The following PDE4D variants were observed in gnomAD, a reference collection of about 807,000 sequenced individuals.
PDE4D encodes phosphodiesterase 4D, also known as 3',5'-cyclic-AMP phosphodiesterase 4D.
In PDE4D, 24 loss-of-function variants were observed where a neutral mutation model predicts 87.4. The ratio of observed to expected loss-of-function variants is 0.27; its 90% confidence interval spans 0.20 to 0.39. The LOEUF (loss-of-function observed/expected upper bound fraction) is 0.39. Among genes scored for constraint, PDE4D ranks in the 10% least tolerant of loss-of-function variants. The pLI, the probability that PDE4D is intolerant of heterozygous loss-of-function variation, is 1.00. For synonymous variants in PDE4D, 384 were observed against 383.2 expected (o/e 1.00, Z -0.02); for missense variants, 714 against 1,041.0 (o/e 0.69, Z 4.32).
At chr5:59,894,549 G>A (rs867482327), upstream of PDE4D, among the ~76,000 whole-genome samples, 2 of 152,080 alleles carry the variant, frequency 1.3e-5, no homozygotes, top group Admixed American at 6.5e-5. Context: ...AGTGGTCCTC[G>A]CTGGAAATCA....
intron 2 of PDE4D, among the ~76,000 whole-genome samples, chr5:60,125,739 T>C (rs1206977214): frequency 6.6e-6 from 1 of 152,188 alleles, no homozygotes; most frequent in African/African-American, 2.4e-5. Context: ...CTAGAAGAAT[T>C]TCTGGTACAC....
At chr5:60,221,114 A>C (rs1744446677) in intron 1 of PDE4D, among the ~76,000 whole-genome samples, 1 of 152,088 alleles carries the variant, frequency 6.6e-6, no homozygotes, top group Admixed American at 6.6e-5. Flanking sequence ...GATGCTTAAA[A>C]ATAGTCTTTA....
chr5:60,003,195 A>G (rs2152839903), intron 2 of PDE4D, among the ~76,000 whole-genome samples: 1 of 152,302 alleles, frequency 6.6e-6, no homozygotes, highest in South Asian at 2.1e-4. Context: ...GAATTTACCC[A>G]AGGAGGTGAA....
chr5:59,541,224 T>C (rs1055288070), intron 1 of PDE4D, among the ~76,000 whole-genome samples: 1 of 152,188 alleles, frequency 6.6e-6, no homozygotes, highest in African/African-American at 2.4e-5. Flanking sequence ...GCTCAGTATG[T>C]AGCAATTATT....
At chr5:59,941,794 C>CA (rs1179694463) in intron 3 of PDE4D, among the ~76,000 whole-genome samples, 2 of 152,138 alleles carry the variant, frequency 1.3e-5, no homozygotes, top group African/African-American at 4.8e-5. Flanking sequence ...GTGGAACCCC[C>CA]ACCTCAGGAG....
chr5:59,668,913 AAG>A (rs1746684718), intron 1 of PDE4D, among the ~76,000 whole-genome samples: 3 of 73,832 alleles, frequency 4.1e-5, no homozygotes, highest in African/African-American at 1.2e-4. Flanking sequence ...GAAGAAGAAG[AAG>A]AAGAAGAAAG....
intron 1 of PDE4D, among the ~76,000 whole-genome samples, chr5:59,777,549 T>A (rs1168166452): frequency 6.6e-6 from 1 of 152,168 alleles, no homozygotes; most frequent in Non-Finnish European, 1.5e-5. Context: ...TCAGTACATC[T>A]GGGGTGAGGC....
chr5:59,833,330 C>A (rs1301003577), intron 1 of PDE4D, among the ~76,000 whole-genome samples: 1 of 151,772 alleles, frequency 6.6e-6, no homozygotes, highest in Non-Finnish European at 1.5e-5. Flanking sequence ...TTAGCACCAG[C>A]CCCCAGCAAG....
At chr5:60,069,937 A>G (rs1267794321) in intron 2 of PDE4D, among the ~76,000 whole-genome samples, 1 of 151,890 alleles carries the variant, frequency 6.6e-6, no homozygotes, top group African/African-American at 2.4e-5. Context: ...TCTTTTTGGC[A>G]CTAGTTTAGA....
chr5:59,637,080 C>T (rs537194578), intron 1 of PDE4D, among the ~76,000 whole-genome samples: 19 of 152,130 alleles, frequency 1.2e-4, no homozygotes, highest in South Asian at 4.2e-4. Context: ...AAAAAGCAGA[C>T]GAAGGATATG....
Position 59,397,711 on chromosome 5 carries a change from G to A in PDE4D, c.456-181743C>T, listed in dbSNP as rs1412254457. Among the ~76,000 whole-genome samples, 2 of 117,636 alleles carry A rather than the reference G, an allele frequency of 1.7e-5. 1 individual carries two copies. The highest frequency in any genetic ancestry group is 5.7e-4 in the South Asian group (2 of 3,504). 77.2% of individuals were successfully genotyped at this position (117,636 alleles called of 152,430 possible). ...CAAACACATTCAAAAGCTAGCAGAAGGTAAGAAATAACTAAAATCAGAGCA... is the reference window on the plus strand; with the variant it reads ...CAAACACATTCAAAAGCTAGCAGAAAGTAAGAAATAACTAAAATCAGAGCA... On this transcript the variant is annotated intron_variant, in intron 1 of 14. Coordinates refer to ENST00000340635, the MANE Select transcript of PDE4D (RefSeq NM_001104631.2).
rs150110400 is a variant in PDE4D, at chr5:59,115,375, T to A, written c.808+65220A>T. Among the ~76,000 whole-genome samples, 26 of 152,304 alleles carry A rather than the reference T, an allele frequency of 1.7e-4. No individual in the cohort carries two copies. The East Asian group carries it at 4.8e-3, about 28-fold the overall frequency. On this transcript the variant is annotated intron_variant, in intron 5 of 14. Coordinates refer to ENST00000340635, the MANE Select transcript of PDE4D (RefSeq NM_001104631.2). ...TGTCTGTGGTTTTCAAATGATTTTGTAGATTTTCTTTTTCTGTTGTTGTTT... is the reference window on the plus strand; with the variant it reads ...TGTCTGTGGTTTTCAAATGATTTTGAAGATTTTCTTTTTCTGTTGTTGTTT...
At chr5:59,749,449 A>T (rs1406801994) in intron 1 of PDE4D, among the ~76,000 whole-genome samples, 2 of 152,020 alleles carry the variant, frequency 1.3e-5, no homozygotes, top group Non-Finnish European at 2.9e-5. Flanking sequence ...ATTTTATTTG[A>T]GATGAGGTTT....
intron 6 of PDE4D, among the ~76,000 whole-genome samples, chr5:59,031,375 ATATATATATAT>A (rs1757379212): frequency 6.5e-5 from 1 of 15,384 alleles, no homozygotes; most frequent in Non-Finnish European, 1.2e-4. Flanking sequence ...ATATATATAT[ATATATATATAT>A]ATATATTATA....
intron 1 of PDE4D, among the ~76,000 whole-genome samples, chr5:59,838,859 T>C (rs1168648827): frequency 1.3e-5 from 2 of 152,064 alleles, no homozygotes; most frequent in Non-Finnish European, 2.9e-5. Flanking sequence ...GACAAACAGA[T>C]GTCTATTCTT....
chr5:60,150,466 T>C (rs935764185), intron 2 of PDE4D, among the ~76,000 whole-genome samples: 2 of 152,172 alleles, frequency 1.3e-5, no homozygotes, highest in Non-Finnish European at 2.9e-5. Flanking sequence ...TTAAATGCAC[T>C]GTTTAGTTGA....
chr5:59,370,247 C>T (rs73092991), intron 1 of PDE4D, among the ~76,000 whole-genome samples: 12,793 of 152,184 alleles, frequency 0.084, 1,558 homozygotes, highest in African/African-American at 0.27. Context: ...CATTTCTCTG[C>T]TCAAAACCCT....
At chr5:59,548,470 C>T (rs896626195) in intron 1 of PDE4D, among the ~76,000 whole-genome samples, 1 of 152,092 alleles carries the variant, frequency 6.6e-6, no homozygotes, top group Non-Finnish European at 1.5e-5. Context: ...CACCTAGGTT[C>T]TAAAGATTCA....
intron 1 of PDE4D, among the ~76,000 whole-genome samples, chr5:59,416,954 G>A (rs1438181317): frequency 2.0e-5 from 3 of 152,086 alleles, no homozygotes; most frequent in Non-Finnish European, 2.9e-5. Context: ...ATAATTCTGT[G>A]TGTACATATT....
Sources: gnomAD v4.1 joint callset for allele counts (sites outside exome capture counted in the v4.1 genomes callset) on GRCh38, gnomAD v4.1.1 for gene constraint, MANE v1.5 for transcripts, NCBI Gene and HGNC (gene_info 2026-07-23, HGNC 2026-07-21) for gene names.